The following NEDD4L variants were observed in gnomAD, a reference collection of about 807,000 sequenced individuals.
NEDD4L encodes the protein NEDD4 like E3 ubiquitin protein ligase.
In NEDD4L, 54 loss-of-function variants were observed where a neutral mutation model predicts 148.9. The ratio of observed to expected loss-of-function variants is 0.36; its 90% confidence interval spans 0.29 to 0.45. The LOEUF (loss-of-function observed/expected upper bound fraction) is 0.45. Ranked by LOEUF, NEDD4L falls within the 20% of genes least tolerant of loss-of-function variation. NEDD4L has a pLI of 1.00. For missense variants in NEDD4L, 856 were observed against 1,233.8 expected, an observed-to-expected ratio of 0.69 and a Z score of 4.59; for synonymous variants, 433 against 440.7, an observed-to-expected ratio of 0.98 and a Z score of 0.22.
intron 1 of NEDD4L, among the ~76,000 whole-genome samples, chr18:58,115,976 C>T (rs958149765): frequency 6.6e-6 from 1 of 152,100 alleles, no homozygotes; most frequent in East Asian, 1.9e-4. Context: ...AGGAGCAAGG[C>T]GTGTTTAGGC....
At chr18:58,051,962 C>T (rs2081891841) in intron 1 of NEDD4L, among the ~76,000 whole-genome samples, 1 of 152,092 alleles carries the variant, frequency 6.6e-6, no homozygotes, top group African/African-American at 2.4e-5. Context: ...CATTTTCAGA[C>T]TATAGGTGGC....
intron 1 of NEDD4L, among the ~76,000 whole-genome samples, chr18:58,140,840 C>T (rs954587544): frequency 4.6e-5 from 7 of 152,162 alleles, no homozygotes; most frequent in East Asian, 1.9e-4. Flanking sequence ...GCATTTGCTC[C>T]GAGTTGTTGC....
chr18:58,152,310 A>G (rs1008367274), intron 1 of NEDD4L, among the ~76,000 whole-genome samples: 1 of 152,212 alleles, frequency 6.6e-6, no homozygotes, highest in Non-Finnish European at 1.5e-5. Context: ...GCACAGTTCC[A>G]GGTGCTCTTC....
intron 5 of NEDD4L, among the ~76,000 whole-genome samples, chr18:58,264,254 G>A (rs1203379726): frequency 1.3e-5 from 2 of 152,050 alleles, no homozygotes; most frequent in Non-Finnish European, 2.9e-5. Context: ...CAAGGCTAAG[G>A]ACACAGCAAT....
chr18:58,166,637 G>T (rs368494239), intron 2 of NEDD4L, among the ~76,000 whole-genome samples: 3 of 152,204 alleles, frequency 2.0e-5, no homozygotes, highest in Non-Finnish European at 4.4e-5. Flanking sequence ...TAAACTACCC[G>T]TGCAGGTCAC....
At chr18:58,249,759 C>T (rs2047676243) in intron 4 of NEDD4L, among the ~76,000 whole-genome samples, 2 of 152,232 alleles carry the variant, frequency 1.3e-5, no homozygotes, top group African/African-American at 4.8e-5. Flanking sequence ...CTGATTTCTT[C>T]CTCTCAATCG....
intron 5 of NEDD4L, among the ~76,000 whole-genome samples, chr18:58,273,300 C>T (rs2051349059): frequency 6.6e-6 from 1 of 152,136 alleles, no homozygotes; most frequent in Non-Finnish European, 1.5e-5. Flanking sequence ...TGCTCTGAAG[C>T]CTGGGAAAAG....
At chr18:58,099,336 G>A (rs2084617525) in intron 1 of NEDD4L, among the ~76,000 whole-genome samples, 1 of 152,162 alleles carries the variant, frequency 6.6e-6, no homozygotes, top group South Asian at 2.1e-4. Context: ...TTACTCATCT[G>A]TATTTTCCTT....
chr18:58,092,708 G>T (rs183609168), intron 1 of NEDD4L, among the ~76,000 whole-genome samples: 2 of 151,752 alleles, frequency 1.3e-5, no homozygotes, highest in Admixed American at 1.3e-4. Context: ...AAGAGTTCGT[G>T]TAAGAGCATG....
At chr18:58,355,117 C>A (rs374170451) in intron 18 of NEDD4L, among the ~76,000 whole-genome samples, 1 of 152,066 alleles carries the variant, frequency 6.6e-6, no homozygotes, top group Non-Finnish European at 1.5e-5. Context: ...GGGTCGAAAT[C>A]GTTATTTAGA....
chr18:58,065,618 T>C (rs2082554410), intron 1 of NEDD4L, among the ~76,000 whole-genome samples: 1 of 152,250 alleles, frequency 6.6e-6, no homozygotes, highest in South Asian at 2.1e-4. Context: ...AGACTGCATT[T>C]ACTCTTAATC....
intron 2 of NEDD4L, among the ~76,000 whole-genome samples, chr18:58,170,226 C>T (rs1265253142): frequency 1.3e-5 from 2 of 152,248 alleles, no homozygotes; most frequent in Non-Finnish European, 2.9e-5. Flanking sequence ...CACATCCTTT[C>T]TGGCAGCTGC....
intron 1 of NEDD4L, among the ~76,000 whole-genome samples, chr18:58,075,345 G>A (rs2083103485): frequency 6.6e-6 from 1 of 152,050 alleles, no homozygotes; most frequent in Non-Finnish European, 1.5e-5. Context: ...TAAAGATGGG[G>A]TTTCTCCATG....
intron 22 of NEDD4L, among the ~76,000 whole-genome samples, chr18:58,369,990 C>T (rs569791869): frequency 3.3e-5 from 5 of 152,346 alleles, no homozygotes; most frequent in Non-Finnish European, 5.9e-5. Context: ...TCTCCAGCAC[C>T]CCATGTGGGC....
chr18:58,280,117 G>T (rs1014149901), intron 5 of NEDD4L, among the ~76,000 whole-genome samples: 1 of 152,054 alleles, frequency 6.6e-6, no homozygotes, highest in Non-Finnish European at 1.5e-5. Context: ...TGTGTTTCCC[G>T]GGCTGGTCTC....
intron 2 of NEDD4L, among the ~76,000 whole-genome samples, chr18:58,219,632 TG>T: frequency 2.2e-5 from 1 of 46,262 alleles, no homozygotes; most frequent in African/African-American, 2.8e-4. Context: ...TGTGTACCTG[TG>T]TCCGTGTCCT....
intron 2 of NEDD4L, chr18:58,189,809 C>G (rs1272674378): frequency 6.6e-6 from 1 of 152,212 alleles, no homozygotes; most frequent in Non-Finnish European, 1.5e-5. Context: ...TCCTCCATCC[C>G]CACCTTTCTC....
At position 58,256,245 on chromosome 18, in the gene NEDD4L, G is replaced by A. The variant is rs2051601575; in HGVS notation, c.297+4191G>A. 3.3e-6 allele frequency: 4 copies of A among 1,230,128 alleles called. No homozygotes were observed. The highest frequency in any genetic ancestry group is 8.2e-5 in the South Asian group (2 of 24,310). The allele number at this position is 1,230,128 out of a possible 1,614,324, so 76.2% of individuals were successfully genotyped here. A position where few individuals can be genotyped will look rare whatever the true frequency, so the allele number is the denominator to read the frequency against. On this transcript the variant is annotated intron_variant, in intron 5 of 30. Transcript: ENST00000400345. The surrounding 1 kb of genome is among the most constrained non-coding windows in gnomAD (Gnocchi z 5.2). ...CACCGCGCCTCCAGCGCCGACGTGC[G>A]CCAGGTGAGGCTGCTGCCCCTGGGC...
At chr18:58,202,330 G>T (rs1364703574) in intron 2 of NEDD4L, among the ~76,000 whole-genome samples, 1 of 152,206 alleles carries the variant, frequency 6.6e-6, no homozygotes, top group Non-Finnish European at 1.5e-5. Flanking sequence ...CTTTCCCTCT[G>T]CCTATTATTG....
Sources: gnomAD v4.1 joint callset for allele counts (sites outside exome capture counted in the v4.1 genomes callset) on GRCh38, gnomAD v4.1.1 for gene constraint, Gnocchi (gnomAD v3.1) non-coding constraint, MANE v1.5 for transcripts, NCBI Gene and HGNC (gene_info 2026-07-23, HGNC 2026-07-21) for gene names.